RFC1: variants seen among roughly 807,000 people sequenced by gnomAD.
RFC1 encodes the protein A1 140 kDa subunit.
RFC1 carries 37 observed loss-of-function variants against 137.4 expected under a neutral mutation model. The ratio of observed to expected loss-of-function variants is 0.27; its 90% CI spans 0.21 to 0.35. The LOEUF (loss-of-function observed/expected upper bound fraction) is 0.35, where lower values mean the gene tolerates loss of function less well. Ranked by LOEUF, RFC1 falls within the 10% of genes least tolerant of loss-of-function variation. The probability of loss-of-function intolerance (pLI) is 1.00; values close to 1 mark genes in which losing one functional copy is unlikely to be tolerated. For missense variants in RFC1, 1,205 were observed against 1,358.5 expected (o/e 0.89, Z 1.78); for synonymous variants, 429 against 455.7 (o/e 0.94, Z 0.75).
chr4:39,339,571 C>T (rs957522130), intron 4 of RFC1, among the ~76,000 whole-genome samples: 44 of 152,064 alleles, frequency 2.9e-4, no homozygotes, highest in African/African-American at 1.0e-3. Context: ...AGGTCCTTCA[C>T]CCATTTTTAA....
At chr4:39,303,214 C>T in intron 15 of RFC1, 63 bp from the exon 16 acceptor site, 1 of 1,088,988 alleles carries the variant, frequency 9.2e-7, no homozygotes, top group South Asian at 1.2e-5. Context: ...TCAAAAACTG[C>T]TGCTCTGTAG....
chr4:39,322,951 G>A (rs1739593562), intron 7 of RFC1, among the ~76,000 whole-genome samples: 1 of 151,388 alleles, frequency 6.6e-6, no homozygotes, highest in Non-Finnish European at 1.5e-5. Flanking sequence ...TGGGTGTGGT[G>A]GCACACACCT....
At chr4:39,355,435 AAC>A (rs146583450) in intron 1 of RFC1, among the ~76,000 whole-genome samples, 5,815 of 145,500 alleles carry the variant, frequency 0.04, 388 homozygotes, top group African/African-American at 0.14. Context: ...CCTATCTTAA[AAC>A]ACACACACAC....
At chr4:39,322,186 A>C (rs1184200506) in intron 7 of RFC1, 1 of 152,204 alleles carries the variant, frequency 6.6e-6, no homozygotes, top group African/African-American at 2.4e-5. Context: ...CAGGCAGATC[A>C]CTTGAGCTCA....
chr4:39,303,381 G>A (rs1438280476), intron 15 of RFC1, among the ~76,000 whole-genome samples: 1 of 151,368 alleles, frequency 6.6e-6, no homozygotes, highest in African/African-American at 2.4e-5. Context: ...CCTTCCCAGA[G>A]GCAAACAACA....
chr4:39,361,512 C>T (rs913070373), intron 1 of RFC1, among the ~76,000 whole-genome samples: 2 of 152,142 alleles, frequency 1.3e-5, no homozygotes, highest in African/African-American at 2.4e-5. Context: ...CTGCTCTTGC[C>T]ACTTGTACTC....
At chr4:39,329,155 C>CAAAAAAAAA (rs1739952751) in intron 4 of RFC1, among the ~76,000 whole-genome samples, 1 of 38,536 alleles carries the variant, frequency 2.6e-5, no homozygotes, top group East Asian at 1.6e-3. Context: ...AAAAAAAAAG[C>CAAAAAAAAA]TTTTCGATTT....
At chr4:39,344,960 A>G (rs1032331093) in intron 3 of RFC1, among the ~76,000 whole-genome samples, 3 of 152,200 alleles carry the variant, frequency 2.0e-5, no homozygotes, top group Non-Finnish European at 4.4e-5. Flanking sequence ...CTCTTCTCAC[A>G]GGACTTATTA....
intron 1 of RFC1, among the ~76,000 whole-genome samples, chr4:39,352,153 C>T (rs899197749): frequency 1.3e-5 from 2 of 152,052 alleles, no homozygotes; most frequent in African/African-American, 4.8e-5. Flanking sequence ...CCCATCATCC[C>T]AGGCATAGCT....
intron 21 of RFC1, 120 bp downstream of exon 21, chr4:39,299,901 C>T (rs561729812): frequency 2.0e-5 from 13 of 665,504 alleles, no homozygotes; most frequent in South Asian, 3.8e-5. Flanking sequence ...GGCAACAGAG[C>T]GAGACTCGAT....
rs147775081 is a variant in RFC1 at position 39,291,754 on chromosome 4, T to C, written c.3053A>G (p.Gln1018Arg). The C allele has an allele frequency of 1.1e-5, 17 of 1,613,528 alleles. No individual in the cohort carries two copies. In the African/African-American group the frequency reaches 2.3e-4, roughly 22 times the overall value. The change falls in exon 23 of 25, where the codon CAG (glutamine) becomes CGG (arginine). Residue 1018 changes from glutamine (Q) to arginine (R), a missense_variant. Transcript: ENST00000349703. ...PLTSQGVDGVQDVVALMDTYY... is the reference protein window; with the variant it reads ...PLTSQGVDGVRDVVALMDTYY... ...TGTGTCCATAAGTGCAACAACATCC[T>C]GTACTCCGTCTACTCCTTGTGAGGT...
chr4:39,366,168 G>T, intron 1 of RFC1, 71 bp downstream of exon 1: 1 of 1,509,658 alleles, frequency 6.6e-7, no homozygotes, highest in Non-Finnish European at 9.0e-7. Flanking sequence ...CATACCAGGA[G>T]TGCCCGGTCC....
chr4:39,366,360 G>A lies in RFC1; in HGVS notation c.-119C>T. 3.2e-6 allele frequency: 4 copies of A among 1,235,950 alleles called. No individual in the cohort carries two copies. Among genetic ancestry groups the A allele is most frequent in the South Asian group, 3.3e-5 (2 of 59,732 alleles). 76.6% of individuals were successfully genotyped at this position (1,235,950 alleles called of 1,614,324 possible). A position where few individuals can be genotyped will look rare whatever the true frequency, so the allele number is the denominator to read the frequency against. On this transcript the variant is annotated 5_prime_UTR_variant, in exon 1 of 25. Coordinates refer to ENST00000349703, the MANE Select transcript of RFC1 (RefSeq NM_002913.5). The stretch of plus-strand genomic sequence containing the variant: ...CTCCCGCGAAGTGCAAGAAGGCGAA[G>A]ACAGTGGCGCGCGGTGATGACGTCA...
chr4:39,310,730 G>A (rs1401593455), intron 12 of RFC1, among the ~76,000 whole-genome samples: 7 of 152,182 alleles, frequency 4.6e-5, no homozygotes, highest in Non-Finnish European at 1.0e-4. Context: ...TACAGGCTAG[G>A]TGTCTGCACA....
chr4:39,295,885 C>G, intron 21 of RFC1, 126 bp from the exon 22 acceptor site: 4 of 733,572 alleles, frequency 5.5e-6, no homozygotes, highest in Non-Finnish European at 8.5e-6. Context: ...ACCTACAGGG[C>G]AGTCAGACCC....
Position 39,304,870 on chromosome 4 carries a change from A to C in RFC1, c.2054T>G (p.Leu685Trp). The C allele has an allele frequency of 6.2e-7, 1 of 1,613,948 alleles. No homozygotes were observed. The highest frequency in any genetic ancestry group is 8.5e-7 in the Non-Finnish European group (1 of 1,179,800). ...NASDTRSKSS[L>W]KAIVAESLNN... is the part of the protein sequence containing the mutation. Reference sequence around the variant, plus strand: ...CAGTGACTCAGCAACAATCGCCTTCAAACTGCTCTTACTCCGGGTGTCACT... The same window carrying C: ...CAGTGACTCAGCAACAATCGCCTTCCAACTGCTCTTACTCCGGGTGTCACT... Residue 685 changes from leucine to tryptophan, a missense_variant, in exon 15 of 25, where the codon TTG becomes TGG. Leu to Trp is a moderately conservative substitution (Grantham distance 61). This residue lies in a region of RFC1 where 962 missense variants were observed against 1,035.3 expected (regional missense o/e 0.93). Coordinates refer to ENST00000349703, the MANE Select transcript of RFC1 (RefSeq NM_002913.5).
chr4:39,338,516 A>G (rs1740463817), intron 4 of RFC1, among the ~76,000 whole-genome samples: 1 of 152,236 alleles, frequency 6.6e-6, no homozygotes, highest in South Asian at 2.1e-4. Context: ...TTTTAACTGT[A>G]TATTTTATCT....
At chr4:39,299,296 G>A (rs766462731) in intron 21 of RFC1, among the ~76,000 whole-genome samples, 6 of 152,018 alleles carry the variant, frequency 3.9e-5, no homozygotes, top group Non-Finnish European at 8.8e-5. Context: ...ATCTCTGTTC[G>A]AGGCTCTCAG....
chr4:39,309,131 G>C (rs1197016313), intron 12 of RFC1, 99 bp from the exon 13 acceptor site: 1 of 1,303,232 alleles, frequency 7.7e-7, no homozygotes, highest in Non-Finnish European at 1.0e-6. Flanking sequence ...AGATATCCAA[G>C]TGGGCTACTC....
Sources: allele counts gnomAD v4.1 joint callset (sites outside exome capture counted in the v4.1 genomes callset), GRCh38; gene constraint gnomAD v4.1.1; regional missense constraint gnomAD v4.1.1; transcripts MANE v1.5; gene names NCBI Gene and HGNC (gene_info 2026-07-23, HGNC 2026-07-21).